Variants in GPC5 observed in about 807,000 individuals in gnomAD.
GPC5 encodes the protein glypican-5.
GPC5 carries 47 observed loss-of-function variants against 53.9 expected under a neutral mutation model. The ratio of observed to expected loss-of-function variants is 0.87; its 90% CI spans 0.69 to 1.11. GPC5 has a LOEUF of 1.11. Among genes scored for constraint, GPC5 ranks in the 50% most tolerant of loss-of-function variants. The pLI, the probability that GPC5 is intolerant of heterozygous loss-of-function variation, is 0.00. For missense variants in GPC5, 748 were observed against 713.1 expected (o/e 1.05, Z -0.56); for synonymous variants, 286 against 263.3 (o/e 1.09, Z -0.84).
intron 6 of GPC5, among the ~76,000 whole-genome samples, chr13:92,129,164 G>C (rs2041723923): frequency 6.6e-6 from 1 of 152,080 alleles, no homozygotes; most frequent in Non-Finnish European, 1.5e-5. Flanking sequence ...ACAGAATTTT[G>C]AGACTAATGA....
At chr13:92,190,356 A>T (rs2139046877) in intron 7 of GPC5, among the ~76,000 whole-genome samples, 1 of 152,330 alleles carries the variant, frequency 6.6e-6, no homozygotes, top group East Asian at 1.9e-4. Context: ...AAAAAATTAT[A>T]TAGGTCCTAA....
intron 7 of GPC5, among the ~76,000 whole-genome samples, chr13:92,323,374 G>A (rs1194520925): frequency 1.3e-5 from 2 of 148,360 alleles, no homozygotes; most frequent in Admixed American, 6.8e-5. Context: ...ATATATATAT[G>A]TTGTGCATAT....
chr13:92,790,081 C>A (rs372614136), intron 7 of GPC5, among the ~76,000 whole-genome samples: 4 of 152,134 alleles, frequency 2.6e-5, no homozygotes, highest in African/African-American at 9.7e-5. Flanking sequence ...CTCCCAAGTT[C>A]TCTTGCCTGC....
At chr13:92,290,617 G>C (rs1594073101) in intron 7 of GPC5, among the ~76,000 whole-genome samples, 1 of 152,300 alleles carries the variant, frequency 6.6e-6, no homozygotes, top group South Asian at 2.1e-4. Flanking sequence ...ACTTCACTTA[G>C]AATGAGTCTC....
intron 6 of GPC5, among the ~76,000 whole-genome samples, chr13:91,964,897 G>A (rs1178911132): frequency 3.9e-5 from 6 of 152,092 alleles, no homozygotes; most frequent in South Asian, 2.1e-4. Flanking sequence ...GGAATACTAT[G>A]CAGCCATAAA....
At chr13:92,804,959 C>T (rs1877039108) in intron 7 of GPC5, among the ~76,000 whole-genome samples, 1 of 152,038 alleles carries the variant, frequency 6.6e-6, no homozygotes. Context: ...CTCATCCGCT[C>T]AAGTTTTATC....
intron 7 of GPC5, among the ~76,000 whole-genome samples, chr13:92,458,751 G>A (rs1285755158): frequency 6.6e-6 from 1 of 151,946 alleles, no homozygotes; most frequent in Non-Finnish European, 1.5e-5. Flanking sequence ...TAATATATGG[G>A]CTACAGATGA....
chr13:92,254,019 G>A (rs2042709811), intron 7 of GPC5, among the ~76,000 whole-genome samples: 1 of 152,058 alleles, frequency 6.6e-6, no homozygotes, highest in Non-Finnish European at 1.5e-5. Context: ...AGCTTGAATG[G>A]AGGAAGGGAG....
At chr13:91,973,321 C>G (rs2040262962) in intron 6 of GPC5, among the ~76,000 whole-genome samples, 1 of 152,188 alleles carries the variant, frequency 6.6e-6, no homozygotes, top group Non-Finnish European at 1.5e-5. Context: ...GCTCCATCAG[C>G]TCCTTTAAGG....
intron 7 of GPC5, among the ~76,000 whole-genome samples, chr13:92,371,664 A>G (rs2043650787): frequency 6.6e-6 from 1 of 152,198 alleles, no homozygotes; most frequent in African/African-American, 2.4e-5. Flanking sequence ...AGAAGTGCTA[A>G]GCGAAGGGGG....
At chr13:91,817,174 A>G (rs1184079149) in intron 5 of GPC5, among the ~76,000 whole-genome samples, 2 of 152,208 alleles carry the variant, frequency 1.3e-5, no homozygotes, top group African/African-American at 2.4e-5. Context: ...CCAAAATGCA[A>G]TGCCAGCTCT....
chr13:92,632,340 T>A (rs1282918509), intron 7 of GPC5, among the ~76,000 whole-genome samples: 1 of 151,946 alleles, frequency 6.6e-6, no homozygotes, highest in Non-Finnish European at 1.5e-5. Flanking sequence ...CTTCAAAATA[T>A]TTTTATTCTT....
rs538476810 is a variant in GPC5, at chr13:92,841,812, G to A, written c.1562-24470G>A. On this transcript the variant is annotated intron_variant, in intron 7 of 7. Coordinates refer to ENST00000377067, the MANE Select transcript of GPC5 (RefSeq NM_004466.6). ...TACTTTTTCCTTATGATTTATTTGT[G>A]TAAAACGTTGAGTCAATTGTTCCAG... Among the ~76,000 whole-genome samples, 5 of 152,090 alleles carry A rather than the reference G, an allele frequency of 3.3e-5. No homozygotes were observed. The South Asian group carries it at 1.0e-3, about 32-fold the overall frequency.
intron 7 of GPC5, among the ~76,000 whole-genome samples, chr13:92,763,947 G>A (rs1875292129): frequency 6.6e-6 from 1 of 152,150 alleles, no homozygotes; most frequent in African/African-American, 2.4e-5. Flanking sequence ...TGGCCCCTCA[G>A]ATGGTGGAAC....
chr13:92,854,978 G>A (rs1302603866), intron 7 of GPC5, among the ~76,000 whole-genome samples: 1 of 151,802 alleles, frequency 6.6e-6, no homozygotes, highest in African/African-American at 2.4e-5. Context: ...GCCCAAATAA[G>A]TTTCCTTAGA....
intron 7 of GPC5, among the ~76,000 whole-genome samples, chr13:92,167,854 T>C (rs1307765436): frequency 1.4e-5 from 2 of 142,912 alleles, no homozygotes; most frequent in African/African-American, 5.2e-5. Flanking sequence ...TCAGTATCAG[T>C]TTTCAACTTA....
intron 5 of GPC5, among the ~76,000 whole-genome samples, chr13:91,880,862 C>T (rs924087662): frequency 1.3e-5 from 2 of 152,122 alleles, no homozygotes; most frequent in African/African-American, 4.8e-5. Flanking sequence ...GTGATCTCAG[C>T]TCACTGCAAC....
intron 7 of GPC5, among the ~76,000 whole-genome samples, chr13:92,295,988 T>C (rs1362055845): frequency 6.6e-6 from 1 of 152,204 alleles, no homozygotes; most frequent in African/African-American, 2.4e-5. Flanking sequence ...ACCATTCCAT[T>C]CATCATGCTA....
intron 4 of GPC5, among the ~76,000 whole-genome samples, chr13:91,741,959 C>G (rs1426102473): frequency 6.6e-6 from 1 of 152,028 alleles, no homozygotes; most frequent in Admixed American, 6.6e-5. Flanking sequence ...TATTTATTAC[C>G]TGTAAACTTA....
Sources: gnomAD v4.1 joint callset for allele counts (sites outside exome capture counted in the v4.1 genomes callset) on GRCh38, gnomAD v4.1.1 for gene constraint, MANE v1.5 for transcripts, NCBI Gene and HGNC (gene_info 2026-07-23, HGNC 2026-07-21) for gene names.